Variants in SEMA3F observed in about 807,000 individuals in gnomAD.
SEMA3F encodes the protein semaphorin 3F, also known as semaphorin-3F.
In SEMA3F, 30 loss-of-function variants were observed where a neutral mutation model predicts 98.5. The ratio of observed to expected loss-of-function variants is 0.30; its 90% CI spans 0.23 to 0.41. The LOEUF is 0.41. Ranked by LOEUF, SEMA3F falls within the 10% of genes least tolerant of loss-of-function variation. The pLI is 1.00. For synonymous variants in SEMA3F, 380 were observed against 444.8 expected, an observed-to-expected ratio of 0.85 and a Z score of 1.83; for missense variants, 866 against 1,119.3, an observed-to-expected ratio of 0.77 and a Z score of 3.23.
chr3:50,169,237 T>G lies in SEMA3F; in HGVS notation c.113-4556T>G, dbSNP rs552241258. ...GCTGTGGACACGCCTCCTCAGTGCC[T>G]GTCCTCACCTGCCCGCACCTTTAAA... On this transcript the variant is annotated intron_variant, in intron 2 of 18. Coordinates refer to ENST00000002829, the MANE Select transcript of SEMA3F (RefSeq NM_004186.5). 8.5e-5 allele frequency among the ~76,000 whole-genome samples: 13 copies of G among 152,294 alleles called. No individual in the cohort carries two copies. The South Asian group carries it at 2.7e-3, about 32-fold the overall frequency.
At chr3:50,173,401 G>A (rs771424569) in intron 2 of SEMA3F, 1 of 198,050 alleles carries the variant, frequency 5.0e-6, no homozygotes. Flanking sequence ...GAACCCGGGA[G>A]GCGAAGGTTG....
At chr3:50,168,373 TG>T (rs1698480537) in intron 2 of SEMA3F, among the ~76,000 whole-genome samples, 1 of 152,134 alleles carries the variant, frequency 6.6e-6, no homozygotes, top group African/African-American at 2.4e-5. Context: ...ATGTGGGACC[TG>T]GGCTTGAACA....
chr3:50,186,418 TCACAGGGCCCC>T, intron 17 of SEMA3F, 70 bp downstream of exon 17: 1 of 1,518,970 alleles, frequency 6.6e-7, no homozygotes. Context: ...ACGAAGCTGC[TCACAGGGCCCC>T]CACTGTAAGG....
intron 2 of SEMA3F, among the ~76,000 whole-genome samples, chr3:50,160,528 T>G (rs1698165499): frequency 6.6e-6 from 1 of 152,164 alleles, no homozygotes; most frequent in South Asian, 2.1e-4. Flanking sequence ...CTCAAGGGTG[T>G]GTGTGGTCTG....
chr3:50,155,065 C>A (rs1036164337), upstream of SEMA3F: 5 of 366,044 alleles, frequency 1.4e-5, no homozygotes, highest in Non-Finnish European at 5.0e-6. This position sits in a 1 kb window ranked among gnomAD's most constrained non-coding sequence, Gnocchi z 4.9. Context: ...TCTGAGCGCC[C>A]CGTCCCGCCG....
chr3:50,159,326 T>C (rs1487816380), intron 1 of SEMA3F: 1 of 353,034 alleles, frequency 2.8e-6, no homozygotes, highest in Non-Finnish European at 5.0e-6. Flanking sequence ...CAGCATGCCA[T>C]GAGGGGTAGG....
chr3:50,180,928 G>A (rs1333594493), intron 7 of SEMA3F, among the ~76,000 whole-genome samples: 3 of 152,086 alleles, frequency 2.0e-5, no homozygotes, highest in Non-Finnish European at 4.4e-5. Context: ...TTAGCCAGAT[G>A]TAGTGGTGGG....
intron 12 of SEMA3F, chr3:50,184,227 G>C: frequency 3.4e-6 from 1 of 292,256 alleles, no homozygotes; most frequent in Non-Finnish European, 6.5e-6. Context: ...TGACAAGGAC[G>C]TCGGGGCCTG....
At chr3:50,171,819 C>T (rs1010217922) in intron 2 of SEMA3F, among the ~76,000 whole-genome samples, 18 of 152,200 alleles carry the variant, frequency 1.2e-4, no homozygotes, top group Non-Finnish European at 2.1e-4. Flanking sequence ...GCTGGACAGG[C>T]GGGTGAGGCC....
At chr3:50,163,139 C>T (rs1051226613) in intron 2 of SEMA3F, among the ~76,000 whole-genome samples, 2 of 152,168 alleles carry the variant, frequency 1.3e-5, no homozygotes, top group African/African-American at 2.4e-5. Context: ...ACAGACCCTT[C>T]ACATGAGCTA....
chr3:50,186,786 C>A, intron 18 of SEMA3F, 40 bp downstream of exon 18: 1 of 1,544,636 alleles, frequency 6.5e-7, no homozygotes, highest in South Asian at 1.2e-5. Context: ...GGATGTGAGT[C>A]CTTGCACAGT....
At chr3:50,168,209 C>A (rs2624838) in intron 2 of SEMA3F, among the ~76,000 whole-genome samples, 1 of 151,650 alleles carries the variant, frequency 6.6e-6, no homozygotes, top group Non-Finnish European at 1.5e-5. Context: ...GGCAGATCTC[C>A]AGGGGCTTAG....
At chr3:50,160,264 G>C (rs1698155159) in intron 2 of SEMA3F, among the ~76,000 whole-genome samples, 1 of 152,188 alleles carries the variant, frequency 6.6e-6, no homozygotes, top group African/African-American at 2.4e-5. Context: ...AATCCAGGAG[G>C]GGACTGTTGG....
intron 2 of SEMA3F, among the ~76,000 whole-genome samples, chr3:50,163,842 A>G (rs986995996): frequency 2.0e-5 from 3 of 152,156 alleles, no homozygotes; most frequent in African/African-American, 7.2e-5. Flanking sequence ...CAGGGAGGGT[A>G]GGTGTTCCAG....
At chr3:50,155,084 G>A, upstream of SEMA3F, 2 of 393,942 alleles carry the variant, frequency 5.1e-6, no homozygotes, top group South Asian at 7.4e-5. The surrounding 1 kb of genome is among the most constrained non-coding windows in gnomAD (Gnocchi z 4.9). Context: ...CGGCGGCCGC[G>A]AGACCAGAGC....
intron 2 of SEMA3F, among the ~76,000 whole-genome samples, chr3:50,169,794 C>T (rs3774749): frequency 0.42 from 64,503 of 152,126 alleles, 14,320 homozygotes; most frequent in South Asian, 0.69. Flanking sequence ...CTGGCCCCCA[C>T]TGATGCCACC....
In SEMA3F at chr3:50,182,392, G is replaced by T. The variant is rs371787785; in HGVS notation, c.752G>T (p.Arg251Leu). The T allele has an allele frequency of 1.2e-6, 2 of 1,613,814 alleles. No individual in the cohort carries two copies. The highest frequency in any genetic ancestry group is 1.7e-6 in the Non-Finnish European group (2 of 1,180,022). Residue 251 changes from arginine (R) to leucine (L), a missense_variant, in exon 8 of 19, where the codon CGG becomes CTG. By Grantham distance (102) the Arg-to-Leu change is moderately radical. Around this residue, in one of 3 missense-constraint regions of SEMA3F, gnomAD observed 374 missense variants for 582.8 expected, o/e 0.64. Coordinates refer to ENST00000002829, the MANE Select transcript of SEMA3F (RefSeq NM_004186.5). This position sits in a 1 kb window ranked among gnomAD's most constrained non-coding sequence, Gnocchi z 4.5. ...TAMRTDQYNS[R>L]WLNDPSFIHA... ...ATGCGCACGGATCAGTACAACTCCC[G>T]GTGGCTGAACGGTAAGCGCAGCCCC...
chr3:50,159,362 A>G, intron 1 of SEMA3F: 1 of 439,752 alleles, frequency 2.3e-6, no homozygotes, highest in Non-Finnish European at 4.0e-6. Context: ...AGCCCCCATC[A>G]GTTCTGGTGA....
chr3:50,171,073 C>A (rs1575388521), intron 2 of SEMA3F, among the ~76,000 whole-genome samples: 1 of 152,308 alleles, frequency 6.6e-6, no homozygotes, highest in African/African-American at 2.4e-5. Context: ...TCCCTGTGCC[C>A]TGTGCCCTTG....
Sources: gnomAD v4.1 joint callset for allele counts (sites outside exome capture counted in the v4.1 genomes callset) on GRCh38, gnomAD v4.1.1 for gene constraint, gnomAD v4.1.1 regional missense constraint, Gnocchi (gnomAD v3.1) non-coding constraint, MANE v1.5 for transcripts, NCBI Gene and HGNC (gene_info 2026-07-23, HGNC 2026-07-21) for gene names.